The following METTL14 variants were observed in gnomAD, a reference collection of about 807,000 sequenced individuals.
METTL14 encodes the protein methyltransferase 14, N6-adenosine-methyltransferase non-catalytic subunit, also known as N(6)-adenosine-methyltransferase non-catalytic subunit METTL14.
Under a neutral mutation model 62.4 loss-of-function variants are expected in METTL14, and 32 were observed. The ratio of observed to expected loss-of-function variants is 0.51; its 90% CI spans 0.39 to 0.69. METTL14 has a LOEUF of 0.69. METTL14 is among the 30% of genes least tolerant of loss of function. METTL14 has a pLI of 0.00. For synonymous variants in METTL14, 150 were observed against 180.0 expected (o/e 0.83, Z 1.34); for missense variants, 340 against 551.9 (o/e 0.62, Z 3.85).
At chr4:118,687,789 T>G (rs916555406) in intron 1 of METTL14, 134 bp from the exon 2 acceptor site, 13 of 578,306 alleles carry the variant, frequency 2.2e-5, no homozygotes, top group East Asian at 3.2e-5. Flanking sequence ...ATTCATTGTT[T>G]TGTGTGTGTG....
At chr4:118,689,704 A>G (rs889666141) in intron 3 of METTL14, among the ~76,000 whole-genome samples, 2 of 146,370 alleles carry the variant, frequency 1.4e-5, no homozygotes, top group African/African-American at 5.1e-5. Context: ...GTGTAATGGC[A>G]CAATCTCGGC....
chr4:118,700,363 A>T (rs555449120), intron 7 of METTL14, among the ~76,000 whole-genome samples, 187 bp from the exon 8 acceptor site: 1 of 152,176 alleles, frequency 6.6e-6, no homozygotes, highest in Non-Finnish European at 1.5e-5. Flanking sequence ...TGTTGTTTGT[A>T]TATAAAGTAA....
chr4:118,710,562 C>G lies in METTL14; in HGVS notation c.*260C>G, dbSNP rs768831447. On this transcript the variant is annotated 3_prime_UTR_variant, in exon 11 of 11. Transcript: ENST00000388822. The stretch of plus-strand genomic sequence containing the variant: ...ACTCAAGTAGCTTCATCTTCAGAGA[C>G]TGAATTTATTCTGATAGACTTCAGC... The G allele has an allele frequency of 7.5e-5, 26 of 348,978 alleles. No individual in the cohort carries two copies. The highest frequency in any genetic ancestry group is 1.3e-4 in the Non-Finnish European group (26 of 193,600). 21.6% of individuals were successfully genotyped at this position (348,978 alleles called of 1,614,324 possible). A position where few individuals can be genotyped will look rare whatever the true frequency, so the allele number is the denominator to read the frequency against.
At position 118,701,824 on chromosome 4, in the gene METTL14, G is replaced by A. The variant is rs77354946; in HGVS notation, c.738+1182G>A. Among the ~76,000 whole-genome samples the A allele has an allele frequency of 7.5e-3, 1,136 of 152,252 alleles. 18 individuals carry two copies. The highest frequency in any genetic ancestry group is 0.026 in the African/African-American group (1,083 of 41,544). ...TATGATTATATGGAAATAAGATTGT[G>A]CCCAAATTCTGAAATTCTACAATTA... On this transcript the variant is annotated intron_variant, in intron 8 of 10. Transcript: ENST00000388822.
intron 2 of METTL14, among the ~76,000 whole-genome samples, chr4:118,688,684 A>G (rs1391283045): frequency 1.5e-4 from 23 of 152,052 alleles, no homozygotes. Flanking sequence ...ATATTTAAAC[A>G]TTTTTTTGGA....
chr4:118,706,885 G>T (rs570459526), intron 10 of METTL14, among the ~76,000 whole-genome samples: 1 of 152,232 alleles, frequency 6.6e-6, no homozygotes, highest in East Asian at 1.9e-4. Context: ...CTTTTTTGGT[G>T]AGATGTCTTT....
At chr4:118,689,632 TTTTTC>T (rs1724183145) in intron 3 of METTL14, among the ~76,000 whole-genome samples, 175 bp downstream of exon 3, 1 of 150,594 alleles carries the variant, frequency 6.6e-6, no homozygotes, top group Non-Finnish European at 1.5e-5. Context: ...TTTTCTTATC[TTTTTC>T]TTTTCTTTTC....
chr4:118,710,558 GAGACTGAA>G lies in METTL14; in HGVS notation c.*257_*264del, dbSNP rs752748541. ...AACAACTCAAGTAGCTTCATCTTCA[GAGACTGAA>G]TTTATTCTGATAGACTTCAGCTAAT... On this transcript the variant is annotated 3_prime_UTR_variant, in exon 11 of 11. Coordinates refer to ENST00000388822, the MANE Select transcript of METTL14 (RefSeq NM_020961.4). 1 of 358,184 alleles carries G rather than the reference GAGACTGAA, an allele frequency of 2.8e-6. No homozygotes were observed. Among genetic ancestry groups the G allele is most frequent in the Non-Finnish European group, 5.0e-6 (1 of 199,292 alleles). The allele number at this position is 358,184 out of a possible 1,614,324, so 22.2% of individuals were successfully genotyped here. A position where few individuals can be genotyped will look rare whatever the true frequency, so the allele number is the denominator to read the frequency against.
intron 8 of METTL14, among the ~76,000 whole-genome samples, chr4:118,703,301 G>A (rs951849137): frequency 1.3e-5 from 2 of 152,134 alleles, no homozygotes; most frequent in Non-Finnish European, 2.9e-5. Flanking sequence ...GTCACTGTGA[G>A]CAGTCATTTA....
intron 3 of METTL14, among the ~76,000 whole-genome samples, chr4:118,690,035 CTTTTTT>C (rs70941200): frequency 1.2e-5 from 1 of 86,640 alleles, no homozygotes; most frequent in African/African-American, 4.3e-5. Flanking sequence ...TAATAATATT[CTTTTTT>C]TTTTTTTTTT....
At position 118,713,874 on chromosome 4, in the gene METTL14, T is replaced by TATTGCTAG. The variant is rs1423690765; in HGVS notation, c.*3573_*3580dup. 1 of 152,224 alleles carries TATTGCTAG rather than the reference T, an allele frequency of 6.6e-6. No homozygotes were observed. Among genetic ancestry groups the TATTGCTAG allele is most frequent in the East Asian group, 1.9e-4 (1 of 5,190 alleles). 9.4% of individuals were successfully genotyped at this position (152,224 alleles called of 1,614,324 possible). ...TAACTCTATCATTTACTCGTATAAATATTGCTAGCTGTAATGCACAGAGAA... is the reference window on the plus strand; with the variant it reads ...TAACTCTATCATTTACTCGTATAAATATTGCTAGATTGCTAGCTGTAATGCACAGAGAA... On this transcript the variant is annotated 3_prime_UTR_variant, in exon 11 of 11. Coordinates refer to ENST00000388822, the MANE Select transcript of METTL14 (RefSeq NM_020961.4).
intron 1 of METTL14, 106 bp downstream of exon 1, chr4:118,685,706 G>A (rs978970313): frequency 3.2e-6 from 3 of 934,552 alleles, no homozygotes; most frequent in East Asian, 2.6e-5. Context: ...ACCTGCCGCT[G>A]TTAAGGCCTT....
chr4:118,709,725 AT>A (rs934938302), intron 10 of METTL14, among the ~76,000 whole-genome samples: 19 of 152,060 alleles, frequency 1.2e-4, no homozygotes, highest in African/African-American at 4.3e-4. Context: ...AATGTATGGG[AT>A]TTTTTTTCTC....
At chr4:118,691,388 C>A in intron 3 of METTL14, 144 bp from the exon 4 acceptor site, 2 of 527,864 alleles carry the variant, frequency 3.8e-6, no homozygotes, top group South Asian at 3.1e-5. Flanking sequence ...AATGGGAAAG[C>A]AAAGACTTCA....
chr4:118,697,379 T>TA, intron 7 of METTL14, 56 bp downstream of exon 7: 1 of 1,408,128 alleles, frequency 7.1e-7, no homozygotes, highest in South Asian at 1.4e-5. Context: ...TGAATATGTT[T>TA]ATTTGGTCAG....
chr4:118,702,484 A>G (rs181425745), intron 8 of METTL14, among the ~76,000 whole-genome samples: 155 of 152,218 alleles, frequency 1.0e-3, no homozygotes, highest in Non-Finnish European at 1.3e-3. Context: ...GAGATTTTAA[A>G]ATAAAATTCT....
Position 118,711,316 on chromosome 4 carries a change from T to C in METTL14, c.*1014T>C, listed in dbSNP as rs758241013. On this transcript the variant is annotated 3_prime_UTR_variant, in exon 11 of 11. Coordinates refer to ENST00000388822, the MANE Select transcript of METTL14 (RefSeq NM_020961.4). ...TTGTTTTTAAAATTATATAAGACTT[T>C]ATGCTGTCACTTCTCTTGCTGTACT... 2 of 137,778 alleles carry C rather than the reference T, an allele frequency of 1.5e-5. No homozygotes were observed. Among genetic ancestry groups the C allele is most frequent in the Non-Finnish European group, 3.3e-5 (2 of 59,804 alleles). 8.5% of individuals were successfully genotyped at this position (137,778 alleles called of 1,614,324 possible).
intron 10 of METTL14, among the ~76,000 whole-genome samples, chr4:118,709,198 T>C (rs1724848034): frequency 6.6e-6 from 1 of 152,202 alleles, no homozygotes; most frequent in South Asian, 2.1e-4. Context: ...GCAGTTACTA[T>C]AGTAGTTCAT....
intron 7 of METTL14, among the ~76,000 whole-genome samples, chr4:118,697,608 G>C (rs1234779987): frequency 6.6e-6 from 1 of 152,072 alleles, no homozygotes; most frequent in Non-Finnish European, 1.5e-5. Flanking sequence ...AGTTAGAGAA[G>C]TTTAAAAACA....
Sources: allele counts gnomAD v4.1 joint callset (sites outside exome capture counted in the v4.1 genomes callset), GRCh38; gene constraint gnomAD v4.1.1; transcripts MANE v1.5; gene names NCBI Gene and HGNC (gene_info 2026-07-23, HGNC 2026-07-21).